Variants in SLC35F4 observed in about 807,000 individuals in gnomAD.
SLC35F4 encodes solute carrier family 35 member F4.
Under a neutral mutation model 44.2 loss-of-function variants are expected in SLC35F4, and 24 were observed. The ratio of observed to expected loss-of-function variants is 0.54; its 90% CI spans 0.39 to 0.76. The LOEUF (loss-of-function observed/expected upper bound fraction) is 0.76. Among genes scored for constraint, SLC35F4 ranks in the 30% least tolerant of loss-of-function variants. The pLI, the probability that SLC35F4 is intolerant of heterozygous loss-of-function variation, is 0.00. For missense variants in SLC35F4, 562 were observed against 586.1 expected (o/e 0.96, Z 0.42); for synonymous variants, 238 against 223.6 (o/e 1.06, Z -0.57).
intron 1 of SLC35F4, among the ~76,000 whole-genome samples, chr14:57,844,894 C>A (rs1176137677): frequency 6.6e-6 from 1 of 152,112 alleles, no homozygotes; most frequent in Non-Finnish European, 1.5e-5. Flanking sequence ...AGGGGTCTCT[C>A]TGTCTCTCTC....
chr14:57,843,295 T>C (rs1885674204), intron 1 of SLC35F4, among the ~76,000 whole-genome samples: 1 of 152,156 alleles, frequency 6.6e-6, no homozygotes, highest in Non-Finnish European at 1.5e-5. Flanking sequence ...CTAATTGCCC[T>C]GTTTGAGTTT....
intron 1 of SLC35F4, among the ~76,000 whole-genome samples, chr14:57,806,427 G>C (rs1456200609): frequency 6.6e-6 from 1 of 152,024 alleles, no homozygotes; most frequent in East Asian, 1.9e-4. Context: ...AAAATATTGT[G>C]TCCCAAACAC....
chr14:57,940,800 C>T (rs1889902974), intron 1 of SLC35F4, among the ~76,000 whole-genome samples: 1 of 152,178 alleles, frequency 6.6e-6, no homozygotes, highest in Non-Finnish European at 1.5e-5. Context: ...CCTCCTTCTT[C>T]TCCCCCTATC....
chr14:57,624,567 A>C (rs10147329), intron 1 of SLC35F4, among the ~76,000 whole-genome samples: 106,310 of 152,018 alleles, frequency 0.7, 37,983 homozygotes, highest in Middle Eastern at 0.79. Flanking sequence ...AAAATACTGG[A>C]AAACCAAATC....
intron 1 of SLC35F4, among the ~76,000 whole-genome samples, chr14:57,625,568 A>C (rs933675516): frequency 6.6e-6 from 1 of 152,098 alleles, no homozygotes; most frequent in Non-Finnish European, 1.5e-5. Flanking sequence ...AAGGCTACAG[A>C]AACCAAACAG....
At chr14:57,884,327 A>G (rs1888601636) in intron 1 of SLC35F4, among the ~76,000 whole-genome samples, 1 of 152,236 alleles carries the variant, frequency 6.6e-6, no homozygotes, top group South Asian at 2.1e-4. Flanking sequence ...TAAATCAACC[A>G]GCAGAGTATA....
chr14:57,946,267 T>G (rs910055322), intron 1 of SLC35F4, among the ~76,000 whole-genome samples: 5 of 152,120 alleles, frequency 3.3e-5, no homozygotes, highest in African/African-American at 1.2e-4. Flanking sequence ...AGGTCTTAGA[T>G]GTATGCCTTT....
chr14:57,792,408 G>C (rs2045644052), intron 1 of SLC35F4, among the ~76,000 whole-genome samples: 1 of 152,056 alleles, frequency 6.6e-6, no homozygotes, highest in African/African-American at 2.4e-5. Flanking sequence ...CCCACTACTG[G>C]GTATCTACCC....
chr14:57,583,692 CCCTTCTCTCACTGCCGA>C (rs1228352779), intron 3 of SLC35F4, among the ~76,000 whole-genome samples: 2 of 152,082 alleles, frequency 1.3e-5, no homozygotes, highest in African/African-American at 4.8e-5. Flanking sequence ...CCTTTCTTTC[CCCTTCTCTCACTGCCGA>C]CCTTCTCCCC....
intron 1 of SLC35F4, among the ~76,000 whole-genome samples, chr14:57,850,042 A>G (rs1465424453): frequency 2.6e-5 from 4 of 152,216 alleles, no homozygotes; most frequent in Admixed American, 1.3e-4. Context: ...TTAGATGCAA[A>G]TATTGAAGAT....
chr14:57,754,098 CTTTTT>C (rs1200175550), intron 1 of SLC35F4, among the ~76,000 whole-genome samples: 5 of 110,444 alleles, frequency 4.5e-5, no homozygotes, highest in Non-Finnish European at 5.3e-5. Flanking sequence ...TAACCCAATG[CTTTTT>C]TTTTTTTTTT....
chr14:57,887,307 G>A (rs1318708943), intron 1 of SLC35F4, among the ~76,000 whole-genome samples: 3 of 152,162 alleles, frequency 2.0e-5, no homozygotes, highest in Non-Finnish European at 4.4e-5. Context: ...AAGGGAGGCA[G>A]GCAGACACTT....
At chr14:57,913,534 G>A (rs1023468651) in intron 1 of SLC35F4, among the ~76,000 whole-genome samples, 3 of 151,984 alleles carry the variant, frequency 2.0e-5, no homozygotes, top group Non-Finnish European at 1.5e-5. Flanking sequence ...TACTTTACAG[G>A]TTTAGTATTT....
chr14:57,879,099 A>G (rs573383404), intron 1 of SLC35F4, among the ~76,000 whole-genome samples: 157 of 152,278 alleles, frequency 1.0e-3, no homozygotes, highest in African/African-American at 3.6e-3. Context: ...TGCGGCCCCA[A>G]TATTTTATGC....
intron 1 of SLC35F4, among the ~76,000 whole-genome samples, chr14:57,698,706 C>G (rs750728830): frequency 6.0e-5 from 9 of 150,666 alleles, no homozygotes; most frequent in Non-Finnish European, 1.3e-4. Context: ...GGCATGATCT[C>G]GGCTCACTGC....
chr14:57,660,528 TG>T (rs1442003783), intron 1 of SLC35F4, among the ~76,000 whole-genome samples: 3 of 145,102 alleles, frequency 2.1e-5, no homozygotes, highest in Middle Eastern at 3.4e-3. Context: ...TGTGGTCACA[TG>T]GGGACCACAC....
chr14:57,581,622 C>T (rs2069266777), intron 3 of SLC35F4, among the ~76,000 whole-genome samples, 189 bp from the exon 4 acceptor site: 3 of 152,252 alleles, frequency 2.0e-5, no homozygotes. Context: ...GGAAAATAGC[C>T]CACATGTGCC....
At chr14:57,617,836 G>A (rs1439270843) in intron 1 of SLC35F4, among the ~76,000 whole-genome samples, 3 of 152,176 alleles carry the variant, frequency 2.0e-5, no homozygotes, top group Non-Finnish European at 4.4e-5. Context: ...GGGACTTACT[G>A]AATGCCATTT....
intron 4 of SLC35F4, among the ~76,000 whole-genome samples, chr14:57,576,045 G>A (rs774678054): frequency 6.6e-6 from 1 of 151,646 alleles, no homozygotes; most frequent in Non-Finnish European, 1.5e-5. Context: ...GCCCACAAAG[G>A]TTTGGTCCTT....
Sources: allele counts gnomAD v4.1 joint callset (sites outside exome capture counted in the v4.1 genomes callset), GRCh38; gene constraint gnomAD v4.1.1; transcripts MANE v1.5; gene names NCBI Gene and HGNC (gene_info 2026-07-23, HGNC 2026-07-21).